The following SSX7 variants were observed in gnomAD, a reference collection of about 807,000 sequenced individuals.
SSX7 encodes the protein protein SSX7.
In SSX7, 15 loss-of-function variants were observed where a neutral mutation model predicts 14.7. That is an observed-to-expected ratio of 1.02 (90% CI 0.68 to 1.58). SSX7 has a LOEUF of 1.58. Ranked by LOEUF, SSX7 falls within the 40% of genes most tolerant of loss-of-function variation. SSX7 has a pLI of 0.00. For missense variants in SSX7, 178 were observed against 146.8 expected (o/e 1.21, Z -1.10); for synonymous variants, 46 against 50.6 (o/e 0.91, Z 0.38).
chrX:52,652,549 A>T (rs1484065559), intron 3 of SSX7, among the ~76,000 whole-genome samples: 1 of 110,034 alleles, frequency 9.1e-6, no homozygotes, highest in East Asian at 2.8e-4. Flanking sequence ...AAAAAAAGAA[A>T]GAAAGAAAGA....
intron 6 of SSX7, among the ~76,000 whole-genome samples, chrX:52,647,391 C>G (rs782533466): frequency 7.1e-4 from 80 of 112,420 alleles, no homozygotes; most frequent in Non-Finnish European, 3.8e-4. Context: ...AAGGAGATGC[C>G]TTCTAGGACT....
Position 52,644,646 on chromosome X carries a change from A to T in SSX7, c.*29T>A, listed in dbSNP as rs1448239692. The T allele has an allele frequency of 2.5e-6, 3 of 1,194,296 alleles. No individual in the cohort carries two copies. The African/African-American group carries it at 5.3e-5, about 21-fold the overall frequency. Reference sequence around the variant, plus strand: ...AGGTCACCACGTTCTGCTTCTCATCATGGGCATATGTCGTATCCCCGAGGC... The same window carrying T: ...AGGTCACCACGTTCTGCTTCTCATCTTGGGCATATGTCGTATCCCCGAGGC... On this transcript the variant is annotated 3_prime_UTR_variant, in exon 8 of 8. Transcript: ENST00000298181.
chrX:52,653,074 G>A (rs1925493783), intron 2 of SSX7, 90 bp from the exon 3 acceptor site: 16 of 1,176,076 alleles, frequency 1.4e-5, no homozygotes, highest in Non-Finnish European at 1.8e-5. Flanking sequence ...GCTGGATCTG[G>A]GAAGTGGGGA....
rs782341586 is a variant in SSX7 at position 52,652,374 on chromosome X, T to C, written c.185-27A>G. 2.3e-4 allele frequency: 249 copies of C among 1,084,597 alleles called. 2 individuals carry two copies. The South Asian group carries it at 4.4e-3, about 19-fold the overall frequency. 89.4% of individuals were successfully genotyped at this position (1,084,597 alleles called of 1,213,427 possible). ...TAGAAAGAAGCAAAATGTTTATTCC[T>C]TAAGAGACAAGCTTTGACCTGTCAC... On this transcript the variant is annotated intron_variant, in intron 3 of 7. Coordinates refer to ENST00000298181, the MANE Select transcript of SSX7 (RefSeq NM_173358.2).
intron 7 of SSX7, 34 bp from the exon 8 acceptor site, chrX:52,644,704 A>T: frequency 8.4e-7 from 1 of 1,188,091 alleles, no homozygotes; most frequent in Non-Finnish European, 1.1e-6. Context: ...AGTAAGTGGC[A>T]GTGAGTTCCC....
chrX:52,651,210 G>A (rs1925415727), intron 4 of SSX7, among the ~76,000 whole-genome samples: 1 of 111,639 alleles, frequency 9.0e-6, no homozygotes, highest in African/African-American at 3.3e-5. Context: ...GAGAATCAGG[G>A]TTCTTTGGGA....
In SSX7 at chrX:52,654,760, A is replaced by C. The variant is rs1319897637; in HGVS notation, c.-21+2T>G. ...CAAAAGAGAAAATCAGACCGTGCGTACTCTGAGTATGGAAGAATCGAGAGA... is the reference window on the plus strand; with the variant it reads ...CAAAAGAGAAAATCAGACCGTGCGTCCTCTGAGTATGGAAGAATCGAGAGA... On this transcript the variant is annotated splice_donor_variant, in intron 1 of 7. Coordinates refer to ENST00000298181, the MANE Select transcript of SSX7 (RefSeq NM_173358.2). LOFTEE classifies it low-confidence loss of function (5UTR_SPLICE). 2 of 111,414 alleles carry C rather than the reference A, an allele frequency of 1.8e-5. No homozygotes were observed. Among genetic ancestry groups the C allele is most frequent in the Non-Finnish European group, 3.8e-5 (2 of 53,227 alleles). 9.2% of individuals were successfully genotyped at this position (111,414 alleles called of 1,213,427 possible).
intron 6 of SSX7, among the ~76,000 whole-genome samples, chrX:52,647,961 A>T (rs1414047715): frequency 8.9e-6 from 1 of 112,184 alleles, no homozygotes; most frequent in Non-Finnish European, 1.9e-5. Flanking sequence ...GGCCTTCTAG[A>T]TTAAATTTAA....
chrX:52,650,680 A>G (rs1337937558), intron 4 of SSX7, among the ~76,000 whole-genome samples: 1 of 112,168 alleles, frequency 8.9e-6, no homozygotes, highest in Non-Finnish European at 1.9e-5. Flanking sequence ...TTTCCAAATA[A>G]TTAAATTGAT....
At chrX:52,652,216 G>A (rs1383656708) in intron 4 of SSX7, 36 bp downstream of exon 4, 11 of 1,096,556 alleles carry the variant, frequency 1.0e-5, no homozygotes, top group Non-Finnish European at 1.3e-5. Context: ...AGCTGGGCTT[G>A]AGGAGACCCT....
At position 52,652,290 on chromosome X, in the gene SSX7, C is replaced by G. The variant is rs1556767119; in HGVS notation, c.242G>C (p.Gly81Ala). 2 of 1,209,338 alleles carry G rather than the reference C, an allele frequency of 1.7e-6. No individual in the cohort carries two copies. The highest frequency in any genetic ancestry group is 2.2e-6 in the Non-Finnish European group (2 of 894,284). ...MHNTGATDLQ[G>A]NDFDNDRNQG... Reference sequence around the variant, plus strand: ...GTTACGGTCATTATCAAAATCATTCCCCTGGAGGTCTGTGGCCCCTGTATT... The same window carrying G: ...GTTACGGTCATTATCAAAATCATTCGCCTGGAGGTCTGTGGCCCCTGTATT... Residue 81 changes from glycine to alanine, a missense_variant, in exon 4 of 8, where the codon GGG (glycine) becomes GCG (alanine). Coordinates refer to ENST00000298181, the MANE Select transcript of SSX7 (RefSeq NM_173358.2).
At chrX:52,652,448 T>A (rs1925466032) in intron 3 of SSX7, 101 bp from the exon 4 acceptor site, 1 of 623,135 alleles carries the variant, frequency 1.6e-6, no homozygotes, top group Non-Finnish European at 2.7e-6. Flanking sequence ...GAGGCTGGAG[T>A]ATTGCTTGAG....
intron 3 of SSX7, among the ~76,000 whole-genome samples, 179 bp downstream of exon 3, chrX:52,652,690 AG>A (rs1925475649): frequency 9.0e-6 from 1 of 110,844 alleles, no homozygotes; most frequent in Admixed American, 9.6e-5. Flanking sequence ...CACTGTGGCC[AG>A]TCCCTGCCCT....
chrX:52,648,221 C>T (rs782765414), intron 6 of SSX7, 40 bp downstream of exon 6: 12 of 1,194,778 alleles, frequency 1.0e-5, no homozygotes, highest in Admixed American at 8.9e-5. Context: ...AACATAGCCA[C>T]GGAAGCCAGA....
intron 4 of SSX7, 77 bp from the exon 5 acceptor site, chrX:52,650,479 A>G (rs1556766898): frequency 2.8e-6 from 3 of 1,053,292 alleles, no homozygotes; most frequent in Middle Eastern, 3.6e-4. Context: ...GCATCAGGGT[A>G]TTCTGCAGCA....
chrX:52,649,096 G>A (rs1474629150), intron 5 of SSX7, among the ~76,000 whole-genome samples: 4 of 111,302 alleles, frequency 3.6e-5, no homozygotes, highest in Admixed American at 1.9e-4. Flanking sequence ...GCAGTGGCAC[G>A]ATCTCAGCTC....
At chrX:52,646,217 C>A (rs1362243086) in intron 6 of SSX7, among the ~76,000 whole-genome samples, 1 of 111,311 alleles carries the variant, frequency 9.0e-6, no homozygotes, top group Non-Finnish European at 1.9e-5. Context: ...GAGCATGTCA[C>A]CACGCCTGGC....
chrX:52,652,191 G>C, intron 4 of SSX7, 61 bp downstream of exon 4: 4 of 950,536 alleles, frequency 4.2e-6, no homozygotes, highest in Non-Finnish European at 6.0e-6. Flanking sequence ...TTCCCAAGTA[G>C]CTGAGCTGAA....
intron 1 of SSX7, among the ~76,000 whole-genome samples, chrX:52,653,699 G>A (rs1184353298): frequency 9.0e-6 from 1 of 110,756 alleles, no homozygotes; most frequent in Non-Finnish European, 1.9e-5. Flanking sequence ...ATTGATTTGG[G>A]ATGACAGGCT....
Sources: gnomAD v4.1 joint callset for allele counts (sites outside exome capture counted in the v4.1 genomes callset) on GRCh38, gnomAD v4.1.1 for gene constraint, MANE v1.5 for transcripts, NCBI Gene and HGNC (gene_info 2026-07-23, HGNC 2026-07-21) for gene names.